Variants in RTN3 observed in about 807,000 individuals in gnomAD.
The protein encoded by RTN3 is reticulon 3, also known as reticulon-3.
RTN3 carries 49 observed loss-of-function variants against 77.8 expected under a neutral mutation model. The observed-to-expected ratio is 0.63, with a 90% CI of 0.50 to 0.80. The LOEUF is 0.80. Among genes scored for constraint, RTN3 ranks in the 30% least tolerant of loss-of-function variants. The pLI, the probability that RTN3 is intolerant of heterozygous loss-of-function variation, is 0.00. For synonymous variants in RTN3, 464 were observed against 446.9 expected (o/e 1.04, Z -0.48); for missense variants, 1,236 against 1,211.9 (o/e 1.02, Z -0.29).
In RTN3 at chr11:63,715,584, G is replaced by C. The variant is rs183637895; in HGVS notation, c.200-3118G>C. 4.1e-4 allele frequency among the ~76,000 whole-genome samples: 63 copies of C among 152,214 alleles called. 1 individual carries two copies. The highest frequency in any genetic ancestry group is 3.4e-3 in the Middle Eastern group (1 of 294). On this transcript the variant is annotated intron_variant, in intron 2 of 8. Coordinates refer to ENST00000377819, the MANE Select transcript of RTN3 (RefSeq NM_001265589.2). ...GAGTCAGGAAAATCGCTTCAATCTGGGGGGCGGAGGTTGCAGTGAGCCGAG... is the reference window on the plus strand; with the variant it reads ...GAGTCAGGAAAATCGCTTCAATCTGCGGGGCGGAGGTTGCAGTGAGCCGAG...
chr11:63,741,224 T>C (rs978584873), intron 3 of RTN3, among the ~76,000 whole-genome samples: 31 of 151,130 alleles, frequency 2.1e-4, no homozygotes, highest in Admixed American at 7.9e-4. Flanking sequence ...TTTTTTGAGA[T>C]GGAGTTTCGC....
chr11:63,727,420 A>G (rs2012363681), intron 3 of RTN3, among the ~76,000 whole-genome samples: 1 of 152,236 alleles, frequency 6.6e-6, no homozygotes, highest in Non-Finnish European at 1.5e-5. Flanking sequence ...TCAAAGAAGT[A>G]AAGGGAAATA....
chr11:63,747,783 T>C (rs2013882810), intron 3 of RTN3, among the ~76,000 whole-genome samples: 1 of 152,246 alleles, frequency 6.6e-6, no homozygotes, highest in South Asian at 2.1e-4. Context: ...TCATTTACAC[T>C]GTCTTAGCCT....
At chr11:63,695,080 G>A (rs1941870372) in intron 1 of RTN3, among the ~76,000 whole-genome samples, 3 of 152,158 alleles carry the variant, frequency 2.0e-5, no homozygotes, top group Admixed American at 2.0e-4. Flanking sequence ...CTTAGAGTTT[G>A]GGTTTCAGCA....
chr11:63,695,958 T>A (rs1941916167), intron 1 of RTN3, among the ~76,000 whole-genome samples: 1 of 152,194 alleles, frequency 6.6e-6, no homozygotes, highest in Non-Finnish European at 1.5e-5. Context: ...AATATTCTTT[T>A]TTATTAGAAT....
intron 3 of RTN3, among the ~76,000 whole-genome samples, chr11:63,725,429 C>G (rs2012178136): frequency 1.4e-5 from 2 of 147,414 alleles, no homozygotes; most frequent in South Asian, 4.6e-4. Flanking sequence ...AGTTAACATT[C>G]TTCTTTTTTT....
intron 1 of RTN3, among the ~76,000 whole-genome samples, chr11:63,684,128 GGTTTTT>G (rs1488495304): frequency 5.0e-4 from 10 of 19,936 alleles, no homozygotes; most frequent in Admixed American, 3.4e-3. Context: ...ATTTTCTTTT[GGTTTTT>G]TTTTTTTTTT....
intron 3 of RTN3, among the ~76,000 whole-genome samples, chr11:63,723,457 T>G (rs2011970512): frequency 6.6e-6 from 1 of 150,944 alleles, no homozygotes; most frequent in Non-Finnish European, 1.5e-5. Flanking sequence ...AGAGTCTCAC[T>G]CTGTTGCCCA....
chr11:63,730,175 C>A (rs1263546094), intron 3 of RTN3, among the ~76,000 whole-genome samples: 1 of 151,842 alleles, frequency 6.6e-6, no homozygotes, highest in East Asian at 2.0e-4. Context: ...CCATGTTTGT[C>A]AGGCTGATCT....
intron 2 of RTN3, among the ~76,000 whole-genome samples, chr11:63,716,696 T>C (rs1347111809): frequency 6.6e-6 from 1 of 152,132 alleles, no homozygotes; most frequent in Non-Finnish European, 1.5e-5. Context: ...CCAGGCGCGG[T>C]GGCTCATGCG....
In RTN3 at chr11:63,719,242, C is replaced by G; in HGVS notation, c.740C>G (p.Pro247Arg). ...DVIEKDSPES[P>R]FEVIIDKAAF... ...ATTGAAAAGGATTCCCCTGAATCAC[C>G]ATTTGAAGTAATTATTGACAAAGCA... The change falls in exon 3 of 9, where the codon CCA becomes CGA. Residue 247 changes from proline (P) to arginine (R), a missense_variant. Pro to Arg is a moderately radical substitution (Grantham distance 103). This residue lies in a region of RTN3 where 1,056 missense variants were observed against 990.4 expected (regional missense o/e 1.07). Transcript: ENST00000377819. 1 of 1,614,070 alleles carries G rather than the reference C, an allele frequency of 6.2e-7. No homozygotes were observed. Among genetic ancestry groups the G allele is most frequent in the Non-Finnish European group, 8.5e-7 (1 of 1,179,976 alleles).
intron 2 of RTN3, among the ~76,000 whole-genome samples, chr11:63,709,951 T>A (rs1328961790): frequency 6.6e-6 from 1 of 152,218 alleles, no homozygotes; most frequent in Non-Finnish European, 1.5e-5. Context: ...ATTAATCACA[T>A]GGTAACTATA....
intron 3 of RTN3, among the ~76,000 whole-genome samples, chr11:63,725,645 G>C (rs2012206763): frequency 6.6e-6 from 1 of 151,946 alleles, no homozygotes; most frequent in African/African-American, 2.4e-5. Flanking sequence ...GTAGAGTCGG[G>C]GTTTCACTGT....
At chr11:63,711,971 A>T (rs889711536) in intron 2 of RTN3, among the ~76,000 whole-genome samples, 5 of 152,216 alleles carry the variant, frequency 3.3e-5, no homozygotes, top group Admixed American at 1.3e-4. Context: ...TGTTGACATT[A>T]CAGGCATGAG....
Position 63,720,008 on chromosome 11 carries a change from C to A in RTN3, c.1506C>A (p.Asp502Glu), listed in dbSNP as rs1376099964. 4 of 1,614,056 alleles carry A rather than the reference C, an allele frequency of 2.5e-6. No individual in the cohort carries two copies. In the South Asian group the frequency reaches 4.4e-5, roughly 18 times the overall value. The stretch of plus-strand genomic sequence containing the variant: ...CTGATAGTTCTGGTGAGTCTGATGA[C>A]ACAGTAATAGAGGACATCACAGCAG... ...TEADSSGESD[D>E]TVIEDITADT... The change falls in exon 3 of 9, where the codon GAC (aspartate) becomes GAA (glutamate). Residue 502 changes from aspartate to glutamate, a missense_variant. Physicochemically the swap from Asp to Glu is conservative, Grantham distance 45 (BLOSUM62 2). This residue lies in a region of RTN3 where 1,056 missense variants were observed against 990.4 expected (regional missense o/e 1.07). Coordinates refer to ENST00000377819, the MANE Select transcript of RTN3 (RefSeq NM_001265589.2).
chr11:63,725,542 G>A (rs1208309030), intron 3 of RTN3, among the ~76,000 whole-genome samples: 3 of 151,694 alleles, frequency 2.0e-5, no homozygotes, highest in Non-Finnish European at 2.9e-5. Context: ...TCCGCCTCCC[G>A]GGTTCATGCC....
intron 3 of RTN3, among the ~76,000 whole-genome samples, chr11:63,735,602 T>TCTCTCTCTCTCTC (rs1555078117): frequency 7.6e-4 from 19 of 25,050 alleles, no homozygotes; most frequent in East Asian, 4.2e-3. Flanking sequence ...CTCTCTCTCT[T>TCTCTCTCTCTCTC]TCTTTCAACC....
chr11:63,746,425 C>T (rs2013797510), intron 3 of RTN3, among the ~76,000 whole-genome samples: 1 of 152,188 alleles, frequency 6.6e-6, no homozygotes, highest in Non-Finnish European at 1.5e-5. Context: ...TGCCTCTTTA[C>T]CCCTACTTTG....
At chr11:63,690,044 G>A (rs565913204) in intron 1 of RTN3, among the ~76,000 whole-genome samples, 1 of 151,950 alleles carries the variant, frequency 6.6e-6, no homozygotes, top group African/African-American at 2.4e-5. Context: ...ACAGATGTGA[G>A]CCACCACACC....
Sources: gnomAD v4.1 joint callset for allele counts (sites outside exome capture counted in the v4.1 genomes callset) on GRCh38, gnomAD v4.1.1 for gene constraint, gnomAD v4.1.1 regional missense constraint, MANE v1.5 for transcripts, NCBI Gene and HGNC (gene_info 2026-07-23, HGNC 2026-07-21) for gene names.